Variants in PTPRK observed in about 807,000 individuals in gnomAD.
PTPRK encodes the protein protein tyrosine phosphatase receptor type K, also known as receptor-type tyrosine-protein phosphatase kappa.
PTPRK carries 75 observed loss-of-function variants against 178.0 expected under a neutral mutation model. That is an observed-to-expected ratio of 0.42 (90% confidence interval 0.35 to 0.51). The LOEUF is 0.51. Among genes scored for constraint, PTPRK ranks in the 20% least tolerant of loss-of-function variants. The pLI is 0.02. For synonymous variants in PTPRK, 637 were observed against 620.6 expected (o/e 1.03, Z -0.39); for missense variants, 1,441 against 1,797.8 (o/e 0.80, Z 3.59).
chr6:127,998,886 G>A lies in PTPRK; in HGVS notation c.2513C>T (p.Thr838Ile). 6.5e-7 allele frequency: 1 copy of A among 1,542,358 alleles called. No homozygotes were observed. Among genetic ancestry groups the A allele is most frequent in the Non-Finnish European group, 8.8e-7 (1 of 1,140,136 alleles). Residue 838 changes from threonine to isoleucine, a missense_variant, in exon 16 of 30, where the codon ACA becomes ATA. Around this residue, in one of 4 missense-constraint regions of PTPRK, gnomAD observed 945 missense variants for 1,080.6 expected, o/e 0.87. Transcript: ENST00000368226. ...GTCTAGAAGGCGACTGGACTCTGCT[G>A]TAGCACTGTGGTTCTCATCTGGCAT... The part of the protein sequence containing the change: ...FSPRYENHSA[T>I]AESSRLLDVP...
At chr6:128,387,264 C>T (rs1221982958) in intron 2 of PTPRK, among the ~76,000 whole-genome samples, 1 of 152,138 alleles carries the variant, frequency 6.6e-6, no homozygotes, top group Non-Finnish European at 1.5e-5. Flanking sequence ...AAGTATGTCG[C>T]TTCATCTGAG....
At chr6:128,505,107 G>GTTT (rs34899985) in intron 1 of PTPRK, among the ~76,000 whole-genome samples, 2 of 135,382 alleles carry the variant, frequency 1.5e-5, no homozygotes, top group African/African-American at 2.7e-5. Flanking sequence ...AAATTTACTT[G>GTTT]TTTTTTTTTT....
chr6:128,342,178 G>A (rs1246695713), intron 2 of PTPRK, among the ~76,000 whole-genome samples: 5 of 150,816 alleles, frequency 3.3e-5, no homozygotes, highest in South Asian at 2.1e-4. Flanking sequence ...GTCTGAGCCC[G>A]GGAGGCGGAG....
At position 128,083,706 on chromosome 6, in the gene PTPRK, T is replaced by C; in HGVS notation, c.1575+9A>G. The C allele has an allele frequency of 6.6e-7, 1 of 1,510,242 alleles. No homozygotes were observed. The highest frequency in any genetic ancestry group is 9.1e-7 in the Non-Finnish European group (1 of 1,104,168). 93.6% of individuals were successfully genotyped at this position (1,510,242 alleles called of 1,614,324 possible). ...CACATTTCAATTAACTTCCTTGTTC[T>C]CCCAATACCTCATATTGAGTGATGA... On this transcript the variant is annotated intron_variant, in intron 9 of 29. Coordinates refer to ENST00000368226, the MANE Select transcript of PTPRK (RefSeq NM_002844.4).
At chr6:128,393,083 T>A (rs1296809765) in intron 2 of PTPRK, among the ~76,000 whole-genome samples, 3 of 147,474 alleles carry the variant, frequency 2.0e-5, no homozygotes, top group Non-Finnish European at 3.0e-5. Context: ...TCTATGTTCA[T>A]AAGGACTTTT....
chr6:128,054,554 A>G (rs1163270445), intron 13 of PTPRK, among the ~76,000 whole-genome samples: 6 of 152,200 alleles, frequency 3.9e-5, no homozygotes, highest in African/African-American at 1.4e-4. Flanking sequence ...CCTAATAGCC[A>G]ATAAATAGCA....
intron 29 of PTPRK, among the ~76,000 whole-genome samples, chr6:127,971,148 G>A (rs563580974): frequency 6.6e-6 from 1 of 152,172 alleles, no homozygotes; most frequent in African/African-American, 2.4e-5. Flanking sequence ...ACAACATATT[G>A]GCAATAAAAT....
At chr6:128,418,205 C>G (rs545244183) in intron 1 of PTPRK, among the ~76,000 whole-genome samples, 33 of 152,316 alleles carry the variant, frequency 2.2e-4, no homozygotes, top group Middle Eastern at 3.4e-3. Flanking sequence ...TCCCCACCCT[C>G]GCACTCCTCA....
intron 7 of PTPRK, among the ~76,000 whole-genome samples, chr6:128,112,728 C>T (rs1478674493): frequency 6.6e-6 from 1 of 152,070 alleles, no homozygotes; most frequent in Non-Finnish European, 1.5e-5. Flanking sequence ...CATAATCCCC[C>T]TTAATAATTC....
chr6:128,293,870 C>T (rs933440852), intron 3 of PTPRK, among the ~76,000 whole-genome samples: 1 of 152,068 alleles, frequency 6.6e-6, no homozygotes, highest in Non-Finnish European at 1.5e-5. Flanking sequence ...ACAAAAGAGA[C>T]ACACGATCAT....
intron 3 of PTPRK, among the ~76,000 whole-genome samples, chr6:128,290,671 A>T (rs1367133125): frequency 6.6e-6 from 1 of 152,076 alleles, no homozygotes; most frequent in South Asian, 2.1e-4. Flanking sequence ...TAGCAATTTA[A>T]TTTTTTAAGC....
intron 3 of PTPRK, among the ~76,000 whole-genome samples, chr6:128,245,466 A>G (rs143389282): frequency 6.6e-6 from 1 of 152,330 alleles, no homozygotes; most frequent in African/African-American, 2.4e-5. Flanking sequence ...CTCAAAGTCA[A>G]TAACAATGAG....
At chr6:128,289,002 C>T (rs1242022215) in intron 3 of PTPRK, among the ~76,000 whole-genome samples, 1 of 152,104 alleles carries the variant, frequency 6.6e-6, no homozygotes, top group Non-Finnish European at 1.5e-5. Context: ...ATTCTTACTT[C>T]CACCAAATCT....
intron 4 of PTPRK, 142 bp downstream of exon 4, chr6:128,242,379 C>T (rs1400449719): frequency 9.8e-6 from 11 of 1,119,354 alleles, no homozygotes; most frequent in Non-Finnish European, 1.2e-5. Flanking sequence ...TATCAGTTTC[C>T]TTTTAAAACT....
chr6:128,462,111 G>A (rs1318147596), intron 1 of PTPRK, among the ~76,000 whole-genome samples: 1 of 151,956 alleles, frequency 6.6e-6, no homozygotes, highest in East Asian at 1.9e-4. Flanking sequence ...CTATAGGTGT[G>A]GGCCACTGTG....
At chr6:128,240,009 T>C (rs1185537928) in intron 5 of PTPRK, 26 bp downstream of exon 5, 2 of 1,540,566 alleles carry the variant, frequency 1.3e-6, no homozygotes, top group African/African-American at 2.7e-5. Context: ...GTATACTCTT[T>C]AGCTCAGCTG....
intron 15 of PTPRK, chr6:128,000,163 C>T (rs1226888464): frequency 1.0e-6 from 1 of 963,260 alleles, no homozygotes; most frequent in African/African-American, 2.1e-5. Flanking sequence ...AAAATACACT[C>T]TTAGGGGAAC....
intron 11 of PTPRK, among the ~76,000 whole-genome samples, chr6:128,070,172 G>A (rs544280045): frequency 6.6e-6 from 1 of 151,964 alleles, no homozygotes; most frequent in South Asian, 2.1e-4. Flanking sequence ...TTCTTTGAAT[G>A]GTCATTACAG....
At chr6:128,165,905 A>G (rs1258865176) in intron 7 of PTPRK, among the ~76,000 whole-genome samples, 1 of 151,674 alleles carries the variant, frequency 6.6e-6, no homozygotes, top group Non-Finnish European at 1.5e-5. Flanking sequence ...TACGTAAAAA[A>G]CATTTAAAAC....
Sources: gnomAD v4.1 joint callset for allele counts (sites outside exome capture counted in the v4.1 genomes callset) on GRCh38, gnomAD v4.1.1 for gene constraint, gnomAD v4.1.1 regional missense constraint, MANE v1.5 for transcripts, NCBI Gene and HGNC (gene_info 2026-07-23, HGNC 2026-07-21) for gene names.